Variants in CYP2C19 observed in about 807,000 individuals in gnomAD.
CYP2C19 encodes cytochrome P450 family 2 subfamily C member 19, also known as cytochrome P450 2C19.
Under a neutral mutation model 40.9 loss-of-function variants are expected in CYP2C19, and 59 were observed. The ratio of observed to expected loss-of-function variants is 1.44; its 90% confidence interval spans 1.17 to 1.79. The LOEUF (loss-of-function observed/expected upper bound fraction) is 1.79. Among genes scored for constraint, CYP2C19 ranks in the 40% most tolerant of loss-of-function variants. The pLI is 0.00. For synonymous variants in CYP2C19, 253 were observed against 208.7 expected, an observed-to-expected ratio of 1.21 and a Z score of -1.83; for missense variants, 754 against 596.9, an observed-to-expected ratio of 1.26 and a Z score of -2.74.
chr10:94,779,463 T>C (rs775462207), intron 3 of CYP2C19, among the ~76,000 whole-genome samples: 4 of 152,078 alleles, frequency 2.6e-5, no homozygotes, highest in Non-Finnish European at 4.4e-5. Flanking sequence ...TTAGAGATGA[T>C]GGGCATTTAA....
intron 1 of CYP2C19, among the ~76,000 whole-genome samples, chr10:94,767,977 CCTT>C (rs1281938649): frequency 1.4e-4 from 22 of 152,118 alleles, no homozygotes; most frequent in African/African-American, 5.3e-4. Context: ...CTGATGGTTT[CCTT>C]CTGCCTTTTC....
At chr10:94,780,317 A>T (rs569557274) in intron 3 of CYP2C19, among the ~76,000 whole-genome samples, 182 bp from the exon 4 acceptor site, 137 of 152,326 alleles carry the variant, frequency 9.0e-4, no homozygotes, top group African/African-American at 2.7e-3. Flanking sequence ...GTAATTGTTA[A>T]TTCGAGATTA....
At chr10:94,790,520 A>T (rs187406960) in intron 5 of CYP2C19, among the ~76,000 whole-genome samples, 25 of 152,200 alleles carry the variant, frequency 1.6e-4, no homozygotes, top group African/African-American at 4.6e-4. Flanking sequence ...AATATGTTCT[A>T]TCAATACCTA....
intron 5 of CYP2C19, among the ~76,000 whole-genome samples, chr10:94,806,783 T>C (rs1644154562): frequency 6.6e-6 from 1 of 150,828 alleles, no homozygotes; most frequent in South Asian, 2.1e-4. Flanking sequence ...ACAATAATTG[T>C]ACATATTTAT....
intron 6 of CYP2C19, among the ~76,000 whole-genome samples, chr10:94,836,845 TA>T (rs1231716248): frequency 6.6e-6 from 1 of 152,214 alleles, no homozygotes; most frequent in East Asian, 1.9e-4. Flanking sequence ...AACAGGCAGC[TA>T]AAAGTAAATC....
At chr10:94,800,475 G>T (rs1361406681) in intron 5 of CYP2C19, among the ~76,000 whole-genome samples, 1 of 152,208 alleles carries the variant, frequency 6.6e-6, no homozygotes, top group Admixed American at 6.5e-5. Flanking sequence ...GGCTACACGG[G>T]GTTCAGGTAC....
chr10:94,770,870 TGG>T (rs756688987), intron 1 of CYP2C19, among the ~76,000 whole-genome samples: 10 of 152,166 alleles, frequency 6.6e-5, no homozygotes, highest in Non-Finnish European at 1.5e-4. Context: ...GGATCCATAC[TGG>T]GGATGGCTTG....
At chr10:94,781,571 C>A (rs963646219) in intron 4 of CYP2C19, among the ~76,000 whole-genome samples, 1 of 151,986 alleles carries the variant, frequency 6.6e-6, no homozygotes, top group African/African-American at 2.4e-5. Flanking sequence ...TATAAAGATG[C>A]TTTTATACTA....
At chr10:94,816,742 C>A (rs1849010167) in intron 5 of CYP2C19, among the ~76,000 whole-genome samples, 1 of 133,464 alleles carries the variant, frequency 7.5e-6, no homozygotes, top group Admixed American at 8.2e-5. Context: ...CCCCACCCCA[C>A]ATCAGTCCCC....
intron 6 of CYP2C19, among the ~76,000 whole-genome samples, chr10:94,827,252 T>A (rs1849242161): frequency 6.6e-6 from 1 of 152,056 alleles, no homozygotes; most frequent in Non-Finnish European, 1.5e-5. Flanking sequence ...AGTTCCTCCT[T>A]GTACCTCTGG....
intron 5 of CYP2C19, among the ~76,000 whole-genome samples, chr10:94,793,341 T>G (rs999784072): frequency 2.0e-5 from 3 of 152,206 alleles, no homozygotes; most frequent in African/African-American, 7.2e-5. Context: ...ACCGATCATC[T>G]GAAGCCTTCT....
intron 1 of CYP2C19, among the ~76,000 whole-genome samples, chr10:94,768,057 C>T (rs772712800): frequency 4.6e-5 from 7 of 152,174 alleles, no homozygotes; most frequent in Non-Finnish European, 1.0e-4. Context: ...GCACTGAGTG[C>T]AATAACTCCA....
chr10:94,783,525 C>G (rs992092765), intron 5 of CYP2C19, among the ~76,000 whole-genome samples: 4 of 152,074 alleles, frequency 2.6e-5, no homozygotes, highest in Non-Finnish European at 4.4e-5. Flanking sequence ...TGTCATTGCA[C>G]CATTTTTGAA....
At chr10:94,849,769 C>T in intron 7 of CYP2C19, 148 bp from the exon 8 acceptor site, 1 of 965,236 alleles carries the variant, frequency 1.0e-6, no homozygotes, top group East Asian at 2.4e-5. Flanking sequence ...CTTATTACTT[C>T]GTCTATCTGT....
intron 1 of CYP2C19, among the ~76,000 whole-genome samples, chr10:94,770,246 G>A (rs189837565): frequency 6.6e-6 from 1 of 152,268 alleles, no homozygotes; most frequent in African/African-American, 2.4e-5. Context: ...CTGGCCCAGA[G>A]AACCATTGCA....
chr10:94,827,298 C>G (rs995007954), intron 6 of CYP2C19, among the ~76,000 whole-genome samples: 74 of 151,918 alleles, frequency 4.9e-4, no homozygotes, highest in Admixed American at 7.2e-4. Context: ...GTCCTGGACT[C>G]TTTTTGGTTG....
intron 1 of CYP2C19, chr10:94,774,217 G>C (rs1381939778): frequency 6.6e-6 from 1 of 152,134 alleles, no homozygotes; most frequent in Non-Finnish European, 1.5e-5. Flanking sequence ...GATGAGGTTA[G>C]TCCATGGGTA....
At chr10:94,818,023 A>G (rs2134265922) in intron 5 of CYP2C19, among the ~76,000 whole-genome samples, 1 of 151,578 alleles carries the variant, frequency 6.6e-6, no homozygotes, top group Non-Finnish European at 1.5e-5. Context: ...AAAAAAAAAA[A>G]AAAAAAAAAA....
At chr10:94,767,262 G>A (rs1342196192) in intron 1 of CYP2C19, among the ~76,000 whole-genome samples, 1 of 152,104 alleles carries the variant, frequency 6.6e-6, no homozygotes, top group Non-Finnish European at 1.5e-5. Flanking sequence ...CCTTCCCTGA[G>A]GATTGTGGCC....
Sources: gnomAD v4.1 joint callset for allele counts (sites outside exome capture counted in the v4.1 genomes callset) on GRCh38, gnomAD v4.1.1 for gene constraint, MANE v1.5 for transcripts, NCBI Gene and HGNC (gene_info 2026-07-23, HGNC 2026-07-21) for gene names.